The following ZMPSTE24 variants were observed in gnomAD, a reference collection of about 807,000 sequenced individuals.
ZMPSTE24 encodes the protein CAAX prenyl protease 1 homolog.
ZMPSTE24 carries 48 observed loss-of-function variants against 56.7 expected under a neutral mutation model. The observed-to-expected ratio is 0.85, with a 90% confidence interval of 0.67 to 1.08. The LOEUF (loss-of-function observed/expected upper bound fraction) is 1.08, where lower values mean the gene tolerates loss of function less well. ZMPSTE24 is among the 50% of genes least tolerant of loss of function. The pLI, the probability that ZMPSTE24 is intolerant of heterozygous loss-of-function variation, is 0.00. For missense variants in ZMPSTE24, 503 were observed against 548.7 expected (o/e 0.92, Z 0.83); for synonymous variants, 172 against 195.2 (o/e 0.88, Z 0.99).
In ZMPSTE24 at chr1:40,258,265, G is replaced by C. The variant is rs1260213159; in HGVS notation, c.-7G>C. On this transcript the variant is annotated 5_prime_UTR_variant, in exon 1 of 10. Coordinates refer to ENST00000372759, the MANE Select transcript of ZMPSTE24 (RefSeq NM_005857.5). The stretch of plus-strand genomic sequence containing the variant: ...CACGCTGAAGGAGCCGGCGGAACCG[G>C]GTGGCCATGGGGATGTGGGCATCGC... 3 of 1,613,366 alleles carry C rather than the reference G, an allele frequency of 1.9e-6. No homozygotes were observed. Among genetic ancestry groups the C allele is most frequent in the African/African-American group, 2.7e-5 (2 of 74,940 alleles).
In ZMPSTE24 at chr1:40,261,331, A is replaced by T. The variant is rs114052415; in HGVS notation, c.270+346A>T. 7.8e-3 allele frequency among the ~76,000 whole-genome samples: 1,187 copies of T among 151,848 alleles called. 7 individuals carry two copies. Among genetic ancestry groups the T allele is most frequent in the Non-Finnish European group, 0.013 (889 of 67,944 alleles). On this transcript the variant is annotated intron_variant, in intron 2 of 9. Coordinates refer to ENST00000372759, the MANE Select transcript of ZMPSTE24 (RefSeq NM_005857.5). ...TTATTCCTGTCAGAGTACTTATCTC[A>T]TTATGTTGAATTTGCCTGGATTTTT...
chr1:40,281,887 A>G (rs1350599344), intron 7 of ZMPSTE24, among the ~76,000 whole-genome samples: 1 of 152,176 alleles, frequency 6.6e-6, no homozygotes, highest in Non-Finnish European at 1.5e-5. Flanking sequence ...AGCAAGATAA[A>G]GAGAAGATAA....
chr1:40,271,773 A>G (rs1643616278), intron 5 of ZMPSTE24, 121 bp from the exon 6 acceptor site: 1 of 1,094,532 alleles, frequency 9.1e-7, no homozygotes, highest in East Asian at 2.7e-5. Context: ...CAGAGCAAGT[A>G]AGTTCCTTGT....
chr1:40,261,956 G>T (rs1643502226), intron 2 of ZMPSTE24, among the ~76,000 whole-genome samples: 1 of 152,102 alleles, frequency 6.6e-6, no homozygotes, highest in African/African-American at 2.4e-5. Context: ...TGATCTGCCT[G>T]CCTTGGCCTC....
chr1:40,272,559 A>C (rs1643624049), intron 6 of ZMPSTE24, among the ~76,000 whole-genome samples: 1 of 152,156 alleles, frequency 6.6e-6, no homozygotes, highest in Non-Finnish European at 1.5e-5. Context: ...AGTACTGCAG[A>C]TTTGTTATAC....
At chr1:40,277,253 T>C (rs1643679682) in intron 6 of ZMPSTE24, among the ~76,000 whole-genome samples, 2 of 152,036 alleles carry the variant, frequency 1.3e-5, no homozygotes, top group South Asian at 2.1e-4. Flanking sequence ...ACCCGGCTAA[T>C]TTTTTTGTAT....
At chr1:40,267,486 C>T (rs1374676125) in intron 2 of ZMPSTE24, among the ~76,000 whole-genome samples, 1 of 151,268 alleles carries the variant, frequency 6.6e-6, no homozygotes, top group African/African-American at 2.4e-5. Flanking sequence ...CACCTCAGTC[C>T]CCCAAGTAGC....
At chr1:40,273,904 A>G (rs1643644082) in intron 6 of ZMPSTE24, among the ~76,000 whole-genome samples, 1 of 151,834 alleles carries the variant, frequency 6.6e-6, no homozygotes, top group Non-Finnish European at 1.5e-5. Flanking sequence ...TTTTCTTTTT[A>G]TCTTTTTTTT....
intron 7 of ZMPSTE24, among the ~76,000 whole-genome samples, chr1:40,283,028 A>G (rs773810280): frequency 1.3e-5 from 2 of 152,220 alleles, no homozygotes; most frequent in African/African-American, 2.4e-5. Flanking sequence ...GCATCTGAGC[A>G]TCTGTTTTGA....
chr1:40,266,002 T>G (rs561283840), intron 2 of ZMPSTE24, among the ~76,000 whole-genome samples: 1 of 152,318 alleles, frequency 6.6e-6, no homozygotes, highest in African/African-American at 2.4e-5. Context: ...TGTAATTTGT[T>G]ATAAACACTT....
At position 40,268,516 on chromosome 1, in the gene ZMPSTE24, A is replaced by T; in HGVS notation, c.455A>T (p.Lys152Ile). Reference sequence around the variant, plus strand: ...TATAATACTTTTGTGATAGAAGAAAAACATGGCTTCAATCAACAGGTATAA... The same window carrying T: ...TATAATACTTTTGTGATAGAAGAAATACATGGCTTCAATCAACAGGTATAA... ...SLYNTFVIEE[K>I]HGFNQQTLGF... Residue 152 changes from lysine (K) to isoleucine (I), a missense_variant, in exon 4 of 10, where the codon AAA (lysine) becomes ATA (isoleucine). Transcript: ENST00000372759. 6.2e-7 allele frequency: 1 copy of T among 1,606,732 alleles called. No homozygotes were observed. Among genetic ancestry groups the T allele is most frequent in the South Asian group, 1.1e-5 (1 of 90,444 alleles).
intron 7 of ZMPSTE24, among the ~76,000 whole-genome samples, chr1:40,284,260 G>T (rs1643760775): frequency 6.6e-6 from 1 of 150,834 alleles, no homozygotes; most frequent in Admixed American, 6.6e-5. Flanking sequence ...CCTTCAGCTT[G>T]GATTTCTAAT....
chr1:40,292,237 A>G (rs767343435), intron 9 of ZMPSTE24, among the ~76,000 whole-genome samples: 1 of 152,066 alleles, frequency 6.6e-6, no homozygotes, highest in Non-Finnish European at 1.5e-5. Flanking sequence ...TTTAACTTTT[A>G]TATGTGTTTC....
At chr1:40,260,363 A>G (rs529680425) in intron 1 of ZMPSTE24, among the ~76,000 whole-genome samples, 1 of 152,178 alleles carries the variant, frequency 6.6e-6, no homozygotes, top group Admixed American at 6.5e-5. Flanking sequence ...GCCCGGCTGA[A>G]AATTGGTCTT....
At chr1:40,288,889 T>G (rs1643811670) in intron 8 of ZMPSTE24, among the ~76,000 whole-genome samples, 1 of 152,158 alleles carries the variant, frequency 6.6e-6, no homozygotes, top group African/African-American at 2.4e-5. Context: ...CCTCAGGCTC[T>G]CTCTCCTCCC....
chr1:40,261,520 G>T lies in ZMPSTE24; in HGVS notation c.270+535G>T, dbSNP rs530859264. The stretch of plus-strand genomic sequence containing the variant: ...GCATGCCACCATACCGTCTCAGAGT[G>T]CTGGGATTATAGGCATGAGCCACAC... On this transcript the variant is annotated intron_variant, in intron 2 of 9. Transcript: ENST00000372759. Among the ~76,000 whole-genome samples, 8 of 152,094 alleles carry T rather than the reference G, an allele frequency of 5.3e-5. 1 individual carries two copies. In the South Asian group the frequency reaches 1.7e-3, roughly 32 times the overall value.
rs562360260 is a variant in ZMPSTE24, at chr1:40,293,615, T to G, written c.*946T>G. 6.6e-6 allele frequency: 1 copy of G among 152,354 alleles called. No individual in the cohort carries two copies. Among genetic ancestry groups the G allele is most frequent in the South Asian group, 2.1e-4 (1 of 4,834 alleles). 9.4% of individuals were successfully genotyped at this position (152,354 alleles called of 1,614,324 possible). A position where few individuals can be genotyped will look rare whatever the true frequency, so the allele number is the denominator to read the frequency against. ...CATTACAGGGAAAAAAATATAGTTT[T>G]CTATCTCTTTCAAGGGCAGAAGAGT... is the stretch of plus-strand genomic sequence containing the variant. On this transcript the variant is annotated 3_prime_UTR_variant, in exon 10 of 10. Transcript: ENST00000372759.
Position 40,281,401 on chromosome 1 carries a change from A to G in ZMPSTE24, c.828A>G (p.Arg276=). The G allele has an allele frequency of 6.2e-7, 1 of 1,614,180 alleles. No individual in the cohort carries two copies. The change falls in exon 7 of 10, where the codon CGA becomes CGG. Residue 276 remains arginine (R), a synonymous_variant. Coordinates refer to ENST00000372759, the MANE Select transcript of ZMPSTE24 (RefSeq NM_005857.5). ...AYFYGFFKNK[R]IVLFDTLLEE... ...TTTATGGCTTCTTCAAGAACAAGCGAATAGTTTTGTTTGACACTCTACTAG... is the reference window on the plus strand; with the variant it reads ...TTTATGGCTTCTTCAAGAACAAGCGGATAGTTTTGTTTGACACTCTACTAG...
intron 6 of ZMPSTE24, among the ~76,000 whole-genome samples, chr1:40,273,152 C>T (rs965357198): frequency 6.6e-6 from 1 of 152,126 alleles, no homozygotes; most frequent in Non-Finnish European, 1.5e-5. Context: ...GAAACAATCA[C>T]AGGGTTAGAG....
Sources: allele counts gnomAD v4.1 joint callset (sites outside exome capture counted in the v4.1 genomes callset), GRCh38; gene constraint gnomAD v4.1.1; transcripts MANE v1.5; gene names NCBI Gene and HGNC (gene_info 2026-07-23, HGNC 2026-07-21).